The following COPG2 variants were observed in gnomAD, a reference collection of about 807,000 sequenced individuals.
The protein encoded by COPG2 is coatomer subunit gamma-2.
In COPG2, 37 loss-of-function variants were observed where a neutral mutation model predicts 46.3. That is an observed-to-expected ratio of 0.80 (90% confidence interval 0.61 to 1.05). The LOEUF (loss-of-function observed/expected upper bound fraction) is 1.05, where lower values mean the gene tolerates loss of function less well. Ranked by LOEUF, COPG2 falls within the 50% of genes least tolerant of loss-of-function variation. The probability of loss-of-function intolerance (pLI) is 0.00; values close to 1 mark genes in which losing one functional copy is unlikely to be tolerated. For missense variants in COPG2, 427 were observed against 387.8 expected (o/e 1.10, Z -0.85); for synonymous variants, 159 against 129.7 (o/e 1.23, Z -1.53).
intron 20 of COPG2, chr7:130,510,273 A>G (rs1554440863): frequency 1.9e-6 from 1 of 516,514 alleles, no homozygotes; most frequent in African/African-American, 1.9e-5. Context: ...GAACCTATCA[A>G]GCCTGCAGAA....
chr7:130,668,617 A>G lies in COPG2; in HGVS notation c.37+15T>C. ...TCCCGCGGCTGAGGGTGGGCCTCGG[A>G]AGCCCCGCGCGTACCAGACTCCTCG... On this transcript the variant is annotated intron_variant, in intron 1 of 23. Coordinates refer to ENST00000425248, the MANE Select transcript of COPG2 (RefSeq NM_012133.6). 3 of 1,524,820 alleles carry G rather than the reference A, an allele frequency of 2.0e-6. No homozygotes were observed. Among genetic ancestry groups the G allele is most frequent in the Non-Finnish European group, 2.6e-6 (3 of 1,137,728 alleles). The allele number at this position is 1,524,820 out of a possible 1,614,324, so 94.5% of individuals were successfully genotyped here.
At chr7:130,626,209 A>C (rs921577606) in intron 5 of COPG2, among the ~76,000 whole-genome samples, 1 of 152,090 alleles carries the variant, frequency 6.6e-6, no homozygotes, top group Non-Finnish European at 1.5e-5. Context: ...TCTGATATGT[A>C]GTTATGTAGT....
At chr7:130,577,287 C>G (rs988407849) in intron 9 of COPG2, among the ~76,000 whole-genome samples, 17 of 152,228 alleles carry the variant, frequency 1.1e-4, no homozygotes, top group African/African-American at 3.4e-4. Context: ...GAGTGCCAGA[C>G]AGTGGGCGCA....
At chr7:130,513,308 A>AAAATATATAT (rs1236511164) in intron 20 of COPG2, among the ~76,000 whole-genome samples, 1 of 55,670 alleles carries the variant, frequency 1.8e-5, no homozygotes, top group African/African-American at 9.5e-5. Flanking sequence ...AAAAAAAAAA[A>AAAATATATAT]ATATATATAT....
intron 20 of COPG2, among the ~76,000 whole-genome samples, chr7:130,542,565 G>A (rs1793351773): frequency 6.6e-6 from 1 of 152,070 alleles, no homozygotes; most frequent in Non-Finnish European, 1.5e-5. Flanking sequence ...CTGAGTCTGT[G>A]GATTGACTTG....
chr7:130,645,170 C>A, intron 5 of COPG2: 1 of 592,896 alleles, frequency 1.7e-6, no homozygotes, highest in South Asian at 1.5e-5. Context: ...ATATGGTCCT[C>A]ATGCTTCCAC....
At chr7:130,610,758 T>C (rs1369700841) in intron 9 of COPG2, 195 bp downstream of exon 9, 2 of 672,656 alleles carry the variant, frequency 3.0e-6, no homozygotes, top group South Asian at 1.6e-5. Context: ...AATAATTAAG[T>C]ACATATACAA....
At chr7:130,532,332 G>T (rs1799834752) in intron 20 of COPG2, among the ~76,000 whole-genome samples, 1 of 152,196 alleles carries the variant, frequency 6.6e-6, no homozygotes, top group South Asian at 2.1e-4. Flanking sequence ...CACAGAGGAT[G>T]TGGGCTGTGC....
intron 9 of COPG2, among the ~76,000 whole-genome samples, chr7:130,571,967 T>C (rs1244574623): frequency 6.6e-6 from 1 of 152,038 alleles, no homozygotes; most frequent in Non-Finnish European, 1.5e-5. Context: ...TTGGAGACCA[T>C]TATTCTAAGT....
intron 21 of COPG2, 112 bp downstream of exon 21, chr7:130,508,450 T>C (rs1799539944): frequency 4.7e-6 from 3 of 634,712 alleles, no homozygotes; most frequent in East Asian, 2.7e-5. Context: ...TTCAGAAGAA[T>C]AGAAATCCCT....
At chr7:130,519,718 T>C (rs967390393) in intron 20 of COPG2, among the ~76,000 whole-genome samples, 151 of 152,216 alleles carry the variant, frequency 9.9e-4, no homozygotes, top group African/African-American at 3.2e-3. Context: ...AAGCTCATGA[T>C]AGAAAAAAGA....
chr7:130,529,376 A>G (rs1190236035), intron 20 of COPG2, among the ~76,000 whole-genome samples: 7 of 152,166 alleles, frequency 4.6e-5, no homozygotes, highest in Non-Finnish European at 5.9e-5. Flanking sequence ...AAACTGCTCT[A>G]AAGTCCTCAA....
chr7:130,662,502 G>C (rs1354919737), intron 4 of COPG2, among the ~76,000 whole-genome samples: 1 of 152,128 alleles, frequency 6.6e-6, no homozygotes, highest in Non-Finnish European at 1.5e-5. Flanking sequence ...TGAAGGTCAG[G>C]GTGGCCTAAG....
rs1793591940 is a variant in COPG2 at position 130,554,731 on chromosome 7, A to G, written c.1225-7T>C. On this transcript the variant is annotated splice_polypyrimidine_tract_variant and splice_region_variant and intron_variant, in intron 13 of 23. Coordinates refer to ENST00000425248, the MANE Select transcript of COPG2 (RefSeq NM_012133.6). ...GCTTGTACTCAAAGCCTCCCTGGCAAAAAAGAAGATAAAACTGCCATTCAT... is the reference window on the plus strand; with the variant it reads ...GCTTGTACTCAAAGCCTCCCTGGCAGAAAAGAAGATAAAACTGCCATTCAT... 1 of 398,626 alleles carries G rather than the reference A, an allele frequency of 2.5e-6. No individual in the cohort carries two copies. Among genetic ancestry groups the G allele is most frequent in the East Asian group, 3.6e-5 (1 of 28,080 alleles). The allele number at this position is 398,626 out of a possible 1,614,324, so 24.7% of individuals were successfully genotyped here.
At position 130,617,034 on chromosome 7, in the gene COPG2, C is replaced by T. The variant is rs1312421696; in HGVS notation, c.355G>A (p.Val119Ile). The change falls in exon 6 of 24, where the codon GTA becomes ATA. Residue 119 changes from valine to isoleucine, a missense_variant. Transcript: ENST00000425248. ...LTKDMTGKED[V>I]YRGPAIRALC... ...GCTCTGATGGCCGGGCCTCGGTATA[C>T]ATCTTCTTTTCCAGTCATGTCTTTA... 1 of 1,610,794 alleles carries T rather than the reference C, an allele frequency of 6.2e-7. No homozygotes were observed. Among genetic ancestry groups the T allele is most frequent in the Admixed American group, 1.7e-5 (1 of 59,806 alleles).
At chr7:130,662,932 G>A (rs928907153) in intron 4 of COPG2, 35 bp downstream of exon 4, 35 of 1,289,598 alleles carry the variant, frequency 2.7e-5, no homozygotes, top group Non-Finnish European at 3.8e-5. Context: ...ATAAAAGGAG[G>A]TTTTTCATCG....
At chr7:130,517,733 T>C (rs1315192560) in intron 20 of COPG2, among the ~76,000 whole-genome samples, 5 of 152,146 alleles carry the variant, frequency 3.3e-5, no homozygotes, top group African/African-American at 9.7e-5. Flanking sequence ...CCAAAATGGA[T>C]AGGTAAGATA....
At position 130,668,503 on chromosome 7, in the gene COPG2, GCTCC is replaced by G. The variant is rs1563076410; in HGVS notation, c.37+125_37+128del. Reference sequence around the variant, plus strand: ...AGCCGCGAGGGGAGGGGAGGGGCCGGCTCCAGCTCCGGCCCCCTGGCACGGCGGC... The same window carrying G: ...AGCCGCGAGGGGAGGGGAGGGGCCGGAGCTCCGGCCCCCTGGCACGGCGGC... On this transcript the variant is annotated intron_variant, in intron 1 of 23. Transcript: ENST00000425248. 1.6e-5 allele frequency: 12 copies of G among 731,096 alleles called. No individual in the cohort carries two copies. The South Asian group carries it at 4.1e-4, about 25-fold the overall frequency. The allele number at this position is 731,096 out of a possible 1,614,324, so 45.3% of individuals were successfully genotyped here. A position where few individuals can be genotyped will look rare whatever the true frequency, so the allele number is the denominator to read the frequency against.
chr7:130,578,697 G>C (rs1033083253), intron 9 of COPG2, among the ~76,000 whole-genome samples: 30 of 151,396 alleles, frequency 2.0e-4, no homozygotes, highest in African/African-American at 6.6e-4. Context: ...ACTATATGAA[G>C]AATGCAGAAG....
Sources: gnomAD v4.1 joint callset for allele counts (sites outside exome capture counted in the v4.1 genomes callset) on GRCh38, gnomAD v4.1.1 for gene constraint, MANE v1.5 for transcripts, NCBI Gene and HGNC (gene_info 2026-07-23, HGNC 2026-07-21) for gene names.